The following ACADS variants were observed in gnomAD, a reference collection of about 807,000 sequenced individuals.
ACADS encodes the protein short-chain specific acyl-CoA dehydrogenase, mitochondrial.
In ACADS, 28 loss-of-function variants were observed where a neutral mutation model predicts 46.8. That is an observed-to-expected ratio of 0.60 (90% confidence interval 0.44 to 0.82). ACADS has a LOEUF of 0.82. ACADS is among the 40% of genes least tolerant of loss of function. The pLI is 0.00. For missense variants in ACADS, 528 were observed against 578.0 expected, an observed-to-expected ratio of 0.91 and a Z score of 0.89; for synonymous variants, 236 against 237.7, an observed-to-expected ratio of 0.99 and a Z score of 0.07.
intron 2 of ACADS, among the ~76,000 whole-genome samples, chr12:120,732,485 C>T (rs1056366752): frequency 2.7e-5 from 4 of 150,044 alleles, no homozygotes; most frequent in African/African-American, 9.9e-5. Context: ...GGCTGCCGGG[C>T]GGAGGGGCTC....
At chr12:120,726,780 T>C (rs983846045) in intron 1 of ACADS, among the ~76,000 whole-genome samples, 4 of 152,206 alleles carry the variant, frequency 2.6e-5, no homozygotes, top group Non-Finnish European at 5.9e-5. Context: ...ATGGACATTT[T>C]GGGCTGACAG....
At position 120,727,115 on chromosome 12, in the gene ACADS, C is replaced by T. The variant is rs121908003; in HGVS notation, c.136C>T (p.Arg46Trp). The T allele has an allele frequency of 1.1e-4, 176 of 1,614,172 alleles. 1 individual carries two copies. The highest frequency in any genetic ancestry group is 9.2e-4 in the South Asian group (84 of 91,082). The part of the protein sequence containing the change: ...ETHQMLLQTC[R>W]DFAEKELFPI... ...ACACCAGATGTTGCTCCAGACATGC[C>T]GGGACTTTGCCGAGAAGGAGTTGTT... is the stretch of plus-strand genomic sequence containing the variant. Residue 46 changes from arginine (R) to tryptophan (W), a missense_variant, in exon 2 of 10, where the codon CGG becomes TGG. Coordinates refer to ENST00000242592, the MANE Select transcript of ACADS (RefSeq NM_000017.4).
In ACADS at chr12:120,728,915, C is replaced by T. The variant is rs1883167195; in HGVS notation, c.210+1726C>T. 6.6e-6 allele frequency among the ~76,000 whole-genome samples: 1 copy of T among 152,242 alleles called. No individual in the cohort carries two copies. The highest frequency in any genetic ancestry group is 1.5e-5 in the Non-Finnish European group (1 of 68,048). ...GGTGCTGCAGGCTTGCCTTGTCTGT[C>T]ACTGCTGGGAAAGGGGTCTTACAGT... On this transcript the variant is annotated intron_variant, in intron 2 of 9. Transcript: ENST00000242592. This position sits in a 1 kb window ranked among gnomAD's most constrained non-coding sequence, Gnocchi z 4.0.
intron 4 of ACADS, 174 bp from the exon 5 acceptor site, chr12:120,737,663 C>A: frequency 1.8e-6 from 2 of 1,101,844 alleles, no homozygotes; most frequent in Non-Finnish European, 2.6e-6. Context: ...GACGCCAGCT[C>A]CTGCACACCC....
At chr12:120,734,510 C>G (rs1883364129) in intron 2 of ACADS, among the ~76,000 whole-genome samples, 1 of 152,184 alleles carries the variant, frequency 6.6e-6, no homozygotes, top group Admixed American at 6.5e-5. Flanking sequence ...CCCATGGGAA[C>G]AGTTCAAGGA....
At chr12:120,732,603 G>A (rs1230682361) in intron 2 of ACADS, among the ~76,000 whole-genome samples, 3 of 149,260 alleles carry the variant, frequency 2.0e-5, no homozygotes, top group Admixed American at 1.3e-4. Flanking sequence ...CCGGGCAGAG[G>A]CGCTCCTCAC....
intron 2 of ACADS, among the ~76,000 whole-genome samples, chr12:120,735,202 G>GAA (rs1454238517): frequency 2.0e-5 from 3 of 147,656 alleles, no homozygotes; most frequent in Non-Finnish European, 4.5e-5. Flanking sequence ...AACCCAGGAG[G>GAA]TGGAGGTTGC....
chr12:120,732,492 G>T (rs1303326692), intron 2 of ACADS, among the ~76,000 whole-genome samples: 3 of 148,998 alleles, frequency 2.0e-5, no homozygotes, highest in Admixed American at 2.0e-4. Flanking sequence ...GGGCGGAGGG[G>T]CTCCTCACTT....
In ACADS at chr12:120,728,567, C is replaced by T. The variant is rs555208276; in HGVS notation, c.210+1378C>T. 5.9e-5 allele frequency among the ~76,000 whole-genome samples: 9 copies of T among 151,584 alleles called. No individual in the cohort carries two copies. In the South Asian group the frequency reaches 8.3e-4, roughly 14 times the overall value. Reference sequence around the variant, plus strand: ...GTCACCAGGTTGGAGTGCAGTGGCGCGATCTCGGCTCACTGCAACCTCCGC... The same window carrying T: ...GTCACCAGGTTGGAGTGCAGTGGCGTGATCTCGGCTCACTGCAACCTCCGC... On this transcript the variant is annotated intron_variant, in intron 2 of 9. Transcript: ENST00000242592. The surrounding 1 kb of genome is among the most constrained non-coding windows in gnomAD (Gnocchi z 4.0).
Position 120,738,592 on chromosome 12 carries a change from C to A in ACADS, c.855C>A (p.Thr285=), listed in dbSNP as rs372164287. ...CCCAGGCCCTGGGCATTGCCCAGACCGCCCTCGATTGTGCTGTGAACTACG... is the reference window on the plus strand; with the variant it reads ...CCCAGGCCCTGGGCATTGCCCAGACAGCCCTCGATTGTGCTGTGAACTACG... ...IASQALGIAQ[T]ALDCAVNYAE... Residue 285 remains threonine (T), a synonymous_variant, in exon 7 of 10, where the codon ACC becomes ACA. Coordinates refer to ENST00000242592, the MANE Select transcript of ACADS (RefSeq NM_000017.4). The A allele has an allele frequency of 1.2e-6, 2 of 1,613,060 alleles. No individual in the cohort carries two copies. Among genetic ancestry groups the A allele is most frequent in the South Asian group, 1.1e-5 (1 of 91,090 alleles).
intron 2 of ACADS, among the ~76,000 whole-genome samples, chr12:120,732,429 C>T (rs1255264318): frequency 2.7e-5 from 4 of 147,256 alleles, no homozygotes; most frequent in Non-Finnish European, 4.5e-5. Flanking sequence ...ACTTCTCAGA[C>T]GGGGTGGCTG....
intron 1 of ACADS, among the ~76,000 whole-genome samples, chr12:120,726,746 A>G (rs890578588): frequency 5.9e-5 from 9 of 152,188 alleles, no homozygotes; most frequent in African/African-American, 1.9e-4. Flanking sequence ...GCATTCAGTT[A>G]GTATGGGGTT....
intron 2 of ACADS, among the ~76,000 whole-genome samples, chr12:120,736,538 C>T (rs757023867): frequency 2.0e-5 from 3 of 152,214 alleles, no homozygotes; most frequent in Non-Finnish European, 4.4e-5. Flanking sequence ...GAGGCCTGAG[C>T]TGCGATCAGA....
At chr12:120,734,215 C>T (rs1883357074) in intron 2 of ACADS, among the ~76,000 whole-genome samples, 1 of 152,178 alleles carries the variant, frequency 6.6e-6, no homozygotes, top group Admixed American at 6.5e-5. Context: ...GTGCAAAGTC[C>T]CTATTGCCAC....
intron 2 of ACADS, among the ~76,000 whole-genome samples, chr12:120,730,373 T>A (rs977087761): frequency 2.0e-5 from 3 of 152,060 alleles, no homozygotes; most frequent in Admixed American, 6.5e-5. Flanking sequence ...GCTAGTGAGG[T>A]CCTTTGGGTG....
intron 2 of ACADS, among the ~76,000 whole-genome samples, chr12:120,731,633 A>C (rs696339): frequency 6.6e-5 from 10 of 151,606 alleles, no homozygotes; most frequent in African/African-American, 2.4e-4. Flanking sequence ...TCTTGTATTT[A>C]TTTTATTTTA....
intron 2 of ACADS, among the ~76,000 whole-genome samples, chr12:120,727,394 GTGGA>G (rs1283529435): frequency 6.6e-6 from 1 of 152,216 alleles, no homozygotes; most frequent in Non-Finnish European, 1.5e-5. Flanking sequence ...GTAATATGTG[GTGGA>G]TGGTCAGTTG....
chr12:120,729,245 CTTTTTCT>C (rs1383977642), intron 2 of ACADS, among the ~76,000 whole-genome samples: 6 of 145,770 alleles, frequency 4.1e-5, no homozygotes, highest in Non-Finnish European at 7.4e-5. Context: ...GACTGCTTCT[CTTTTTCT>C]TTTTTCTTTT....
In ACADS at chr12:120,738,783, AGCT is replaced by A. The variant is rs751692085; in HGVS notation, c.934-32_934-30del. The A allele has an allele frequency of 1.5e-5, 24 of 1,612,952 alleles. No individual in the cohort carries two copies. The East Asian group carries it at 3.6e-4, about 24-fold the overall frequency. ...CCTCCCTTCTGTCCCCTGGAGGGGC[AGCT>A]GCTGACCTGTGGTGTGGGGTGGGGC... On this transcript the variant is annotated intron_variant, in intron 7 of 9. Coordinates refer to ENST00000242592, the MANE Select transcript of ACADS (RefSeq NM_000017.4).
Sources: allele counts gnomAD v4.1 joint callset (sites outside exome capture counted in the v4.1 genomes callset), GRCh38; gene constraint gnomAD v4.1.1; non-coding constraint Gnocchi (gnomAD v3.1); transcripts MANE v1.5; gene names NCBI Gene and HGNC (gene_info 2026-07-23, HGNC 2026-07-21).